The following CD320 variants were observed in gnomAD, a reference collection of about 807,000 sequenced individuals.
CD320 encodes CD320 antigen.
In CD320, 16 loss-of-function variants were observed where a neutral mutation model predicts 22.1. The observed-to-expected ratio is 0.73, with a 90% confidence interval of 0.49 to 1.10. CD320 has a LOEUF of 1.10. Ranked by LOEUF, CD320 falls within the 50% of genes least tolerant of loss-of-function variation. The pLI, the probability that CD320 is intolerant of heterozygous loss-of-function variation, is 0.00. For synonymous variants in CD320, 188 were observed against 167.8 expected (o/e 1.12, Z -0.93); for missense variants, 388 against 376.9 (o/e 1.03, Z -0.24).
At chr19:8,306,445 G>A (rs1486355072) in intron 1 of CD320, among the ~76,000 whole-genome samples, 1 of 152,202 alleles carries the variant, frequency 6.6e-6, no homozygotes, top group Non-Finnish European at 1.5e-5. Flanking sequence ...CCGACCTGGA[G>A]GGGCACGGAG....
At chr19:8,306,646 C>T (rs555668174) in intron 1 of CD320, among the ~76,000 whole-genome samples, 1 of 152,352 alleles carries the variant, frequency 6.6e-6, no homozygotes, top group Admixed American at 6.5e-5. Context: ...AGCCCCTCCT[C>T]GGCCTTCAGG....
At chr19:8,307,030 T>C (rs972412197) in intron 1 of CD320, among the ~76,000 whole-genome samples, 6 of 151,638 alleles carry the variant, frequency 4.0e-5, no homozygotes, top group Non-Finnish European at 8.8e-5. Flanking sequence ...TAGAGTTTTG[T>C]CCTGTAATCC....
chr19:8,302,840 T>C lies in CD320; in HGVS notation c.643A>G (p.Thr215Ala), dbSNP rs1423644461. Residue 215 changes from threonine (T) to alanine (A), a missense_variant, in exon 4 of 5, where the codon ACA becomes GCA. Transcript: ENST00000301458. ...GACTGGTCTCCGGCAGAGGAGGATG[T>C]GGCATTCCCGACAGAGGGGACACTC... is the stretch of plus-strand genomic sequence containing the variant. ...LESVPSVGNATSSSAGDQSGS... is the reference protein window; with the variant it reads ...LESVPSVGNAASSSAGDQSGS... 3 of 1,614,042 alleles carry C rather than the reference T, an allele frequency of 1.9e-6. No individual in the cohort carries two copies. Among genetic ancestry groups the C allele is most frequent in the Non-Finnish European group, 2.5e-6 (3 of 1,179,964 alleles).
chr19:8,302,552 G>C lies in CD320; in HGVS notation c.760C>G (p.Arg254Gly), dbSNP rs750760449. Reference sequence around the variant, plus strand: ...AGTGGGCGGAGGCGCTCCTGGGCTCGGAGCCAGGACAAAAGGAGGAGGGTG... The same window carrying C: ...AGTGGGCGGAGGCGCTCCTGGGCTCCGAGCCAGGACAAAAGGAGGAGGGTG... ...TATLLLLSWL[R>G]AQERLRPLGL... The change falls in exon 5 of 5, where the codon CGA (arginine) becomes GGA (glycine). Residue 254 changes from arginine to glycine, a missense_variant. Arg to Gly is a moderately radical substitution (Grantham distance 125, BLOSUM62 -2). Transcript: ENST00000301458. 1.2e-6 allele frequency: 2 copies of C among 1,614,016 alleles called. No individual in the cohort carries two copies. Among genetic ancestry groups the C allele is most frequent in the Non-Finnish European group, 1.7e-6 (2 of 1,179,978 alleles).
Position 8,308,136 on chromosome 19 carries a change from G to C in CD320, c.142+13C>G. 6.7e-7 allele frequency: 1 copy of C among 1,496,954 alleles called. No homozygotes were observed. The highest frequency in any genetic ancestry group is 8.8e-7 in the Non-Finnish European group (1 of 1,132,414). The allele number at this position is 1,496,954 out of a possible 1,614,324, so 92.7% of individuals were successfully genotyped here. A position where few individuals can be genotyped will look rare whatever the true frequency, so the allele number is the denominator to read the frequency against. On this transcript the variant is annotated intron_variant, in intron 1 of 4. Transcript: ENST00000301458. ...GCGAGGGGTGGGAGCCCGCGCTGCG[G>C]GGCGTCACTCACCTGCGGCCTGGGC... is the stretch of plus-strand genomic sequence containing the variant.
At chr19:8,303,121 T>C in intron 3 of CD320, 141 bp from the exon 4 acceptor site, 1 of 686,998 alleles carries the variant, frequency 1.5e-6, no homozygotes, top group South Asian at 1.7e-5. Context: ...TGTCTTTTTT[T>C]TTTTTTTTTT....
Position 8,302,889 on chromosome 19 carries a change from G to A in CD320, c.594C>T (p.Thr198=), listed in dbSNP as rs767770100. The change falls in exon 4 of 5, where the codon ACC becomes ACT. Residue 198 remains threonine, a synonymous_variant. Transcript: ENST00000301458. Reference sequence around the variant, plus strand: ...TCTCCAGGGTCACAGGGGGCCCCATGGTTGTGGCATTCCTGAGAGAGGTGA... The same window carrying A: ...TCTCCAGGGTCACAGGGGGCCCCATAGTTGTGGCATTCCTGAGAGAGGTGA... ...ESVTSLRNAT[T]MGPPVTLESV... is the part of the protein sequence containing the mutation. 1 of 1,614,092 alleles carries A rather than the reference G, an allele frequency of 6.2e-7. No individual in the cohort carries two copies.
intron 2 of CD320, chr19:8,304,664 CTTTCTTTCCTT>C: frequency 5.6e-6 from 1 of 177,076 alleles, no homozygotes; most frequent in Non-Finnish European, 1.2e-5. Context: ...TCTTTCCTTC[CTTTCTTTCCTT>C]TCTTTCATTT....
chr19:8,303,088 G>T, intron 3 of CD320, 108 bp from the exon 4 acceptor site: 1 of 674,494 alleles, frequency 1.5e-6, no homozygotes, highest in Non-Finnish European at 2.4e-6. Context: ...ACCAGGCTGG[G>T]TGAAGCTGAC....
intron 1 of CD320, chr19:8,305,482 T>C (rs1008666040): frequency 3.1e-6 from 1 of 324,976 alleles, no homozygotes; most frequent in South Asian, 2.7e-5. Flanking sequence ...CCGAGGCAGG[T>C]GGATCACTTG....
At position 8,308,136 on chromosome 19, in the gene CD320, G is replaced by T; in HGVS notation, c.142+13C>A. On this transcript the variant is annotated intron_variant, in intron 1 of 4. Transcript: ENST00000301458. ...GCGAGGGGTGGGAGCCCGCGCTGCG[G>T]GGCGTCACTCACCTGCGGCCTGGGC... is the stretch of plus-strand genomic sequence containing the variant. 1 of 1,496,954 alleles carries T rather than the reference G, an allele frequency of 6.7e-7. No individual in the cohort carries two copies. Among genetic ancestry groups the T allele is most frequent in the Non-Finnish European group, 8.8e-7 (1 of 1,132,414 alleles). The allele number at this position is 1,496,954 out of a possible 1,614,324, so 92.7% of individuals were successfully genotyped here. A position where few individuals can be genotyped will look rare whatever the true frequency, so the allele number is the denominator to read the frequency against.
intron 1 of CD320, among the ~76,000 whole-genome samples, 187 bp downstream of exon 1, chr19:8,307,958 CCCCT>C (rs1285844426): frequency 1.3e-5 from 2 of 152,154 alleles, no homozygotes; most frequent in African/African-American, 4.8e-5. Flanking sequence ...ACACCCTCCT[CCCCT>C]CCCCCAGCAT....
In CD320 at chr19:8,302,547, G is replaced by C. The variant is rs757443862; in HGVS notation, c.765C>G (p.Ala255=). 9.9e-6 allele frequency: 16 copies of C among 1,614,076 alleles called. No homozygotes were observed. Among genetic ancestry groups the C allele is most frequent in the Non-Finnish European group, 1.3e-5 (15 of 1,180,016 alleles). Residue 255 remains alanine (A), a synonymous_variant, in exon 5 of 5, where the codon GCC becomes GCG. Coordinates refer to ENST00000301458, the MANE Select transcript of CD320 (RefSeq NM_016579.4). The part of the protein sequence containing the change: ...ATLLLLSWLR[A]QERLRPLGLL... ...ACCCCAGTGGGCGGAGGCGCTCCTGGGCTCGGAGCCAGGACAAAAGGAGGA... is the reference window on the plus strand; with the variant it reads ...ACCCCAGTGGGCGGAGGCGCTCCTGCGCTCGGAGCCAGGACAAAAGGAGGA...
intron 3 of CD320, among the ~76,000 whole-genome samples, chr19:8,303,182 T>C (rs910363386): frequency 2.1e-5 from 3 of 144,908 alleles, no homozygotes; most frequent in Admixed American, 7.5e-5. Context: ...AGTGGCGCAA[T>C]ATTGGCTCAG....
At chr19:8,304,974 C>A (rs1023265508) in intron 2 of CD320, 57 bp downstream of exon 2, 21 of 1,592,666 alleles carry the variant, frequency 1.3e-5, no homozygotes, top group Non-Finnish European at 1.8e-5. Flanking sequence ...TGGCCCCTGA[C>A]AAACCACCCT....
chr19:8,308,296 C>T lies in CD320; in HGVS notation c.-6G>A. The T allele has an allele frequency of 6.3e-7, 1 of 1,586,780 alleles. No homozygotes were observed. Among genetic ancestry groups the T allele is most frequent in the Non-Finnish European group, 8.5e-7 (1 of 1,173,630 alleles). On this transcript the variant is annotated 5_prime_UTR_variant, in exon 1 of 5. Coordinates refer to ENST00000301458, the MANE Select transcript of CD320 (RefSeq NM_016579.4). ...GCCATCCAACCGCCGCTCATGCTGT[C>T]CCCACAGCGGCGCCGGCCACGCGCT...
Position 8,302,309 on chromosome 19 carries a change from G to A in CD320, c.*154C>T. On this transcript the variant is annotated 3_prime_UTR_variant, in exon 5 of 5. Coordinates refer to ENST00000301458, the MANE Select transcript of CD320 (RefSeq NM_016579.4). ...TGTCCAGGGACCCTCAATCTCCAGG[G>A]CCACTTCTGCAGGAGCTCGGGTTCG... 1.1e-6 allele frequency: 1 copy of A among 931,208 alleles called. No homozygotes were observed. The highest frequency in any genetic ancestry group is 1.7e-6 in the Non-Finnish European group (1 of 576,474). 57.7% of individuals were successfully genotyped at this position (931,208 alleles called of 1,614,324 possible).
rs1970026418 is a variant in CD320, at chr19:8,302,661, C to T, written c.707-56G>A. The T allele has an allele frequency of 4.4e-6, 7 of 1,607,176 alleles. No homozygotes were observed. In the Admixed American group the frequency reaches 8.4e-5, roughly 19 times the overall value. ...GAGGGGGAAGGCAAGAGCCCCCACA[C>T]CCACCAAGCTCCATACACATGGGGA... On this transcript the variant is annotated intron_variant, in intron 4 of 4. Transcript: ENST00000301458.
intron 2 of CD320, chr19:8,304,705 C>A (rs963527546): frequency 1.1e-5 from 2 of 179,928 alleles, no homozygotes; most frequent in African/African-American, 2.5e-5. Flanking sequence ...TTTTCTTTTT[C>A]TTTTTTTTTC....
Sources: allele counts gnomAD v4.1 joint callset (sites outside exome capture counted in the v4.1 genomes callset), GRCh38; gene constraint gnomAD v4.1.1; transcripts MANE v1.5; gene names NCBI Gene and HGNC (gene_info 2026-07-23, HGNC 2026-07-21).